Variants in TGFBR2 observed in about 807,000 individuals in gnomAD.
TGFBR2 encodes the protein TGF-beta receptor type-2.
In TGFBR2, 18 loss-of-function variants were observed where a neutral mutation model predicts 49.0. That is an observed-to-expected ratio of 0.37 (90% CI 0.25 to 0.54). TGFBR2 has a LOEUF of 0.54. TGFBR2 is among the 20% of genes least tolerant of loss of function. TGFBR2 has a pLI of 0.85. For missense variants in TGFBR2, 525 were observed against 722.6 expected (o/e 0.73, Z 3.13); for synonymous variants, 282 against 275.9 (o/e 1.02, Z -0.22).
intron 1 of TGFBR2, among the ~76,000 whole-genome samples, chr3:30,623,897 T>G (rs564567978): frequency 1.3e-5 from 2 of 152,326 alleles, no homozygotes; most frequent in African/African-American, 4.8e-5. Flanking sequence ...ATCCCAGCAC[T>G]TTGTGAGGCC....
intron 1 of TGFBR2, among the ~76,000 whole-genome samples, chr3:30,610,879 A>G (rs970119170): frequency 6.6e-6 from 1 of 152,102 alleles, no homozygotes; most frequent in African/African-American, 2.4e-5. Flanking sequence ...TTCCCAGTCT[A>G]TTTGTGTCAC....
chr3:30,674,751 G>A (rs1170149609), intron 5 of TGFBR2, among the ~76,000 whole-genome samples: 3 of 152,132 alleles, frequency 2.0e-5, no homozygotes, highest in Non-Finnish European at 4.4e-5. Flanking sequence ...GAAAATTCTA[G>A]TGAAGAGGTT....
At chr3:30,616,240 C>A (rs372001243) in intron 1 of TGFBR2, among the ~76,000 whole-genome samples, 2 of 152,176 alleles carry the variant, frequency 1.3e-5, no homozygotes, top group East Asian at 3.8e-4. Flanking sequence ...GCCTCTTCCT[C>A]CTTCCCCCCA....
At chr3:30,673,992 T>C (rs943285777) in intron 4 of TGFBR2, 113 bp from the exon 5 acceptor site, 99 of 1,289,196 alleles carry the variant, frequency 7.7e-5, no homozygotes, top group Non-Finnish European at 1.0e-4. Flanking sequence ...AACAGCACTT[T>C]GATTTTTTAA....
At chr3:30,670,384 G>C (rs184553769) in intron 3 of TGFBR2, among the ~76,000 whole-genome samples, 10 of 152,314 alleles carry the variant, frequency 6.6e-5, no homozygotes, top group African/African-American at 1.9e-4. Context: ...TCTGAGGGCA[G>C]TGCCATGCCC....
intron 1 of TGFBR2, among the ~76,000 whole-genome samples, chr3:30,628,953 T>C (rs1328701887): frequency 2.6e-5 from 4 of 152,114 alleles, no homozygotes; most frequent in African/African-American, 7.2e-5. Flanking sequence ...CCTTAAGAAG[T>C]TGGGATAGAA....
At chr3:30,629,955 A>C (rs2125390525) in intron 1 of TGFBR2, among the ~76,000 whole-genome samples, 1 of 152,232 alleles carries the variant, frequency 6.6e-6, no homozygotes, top group South Asian at 2.1e-4. Flanking sequence ...AGGGAACAGC[A>C]AGTACAGTGT....
chr3:30,641,900 T>G (rs1467488235), intron 1 of TGFBR2, among the ~76,000 whole-genome samples: 1 of 151,702 alleles, frequency 6.6e-6, no homozygotes, highest in Non-Finnish European at 1.5e-5. Context: ...CTTGTTTCCC[T>G]TCCTCCCTTC....
chr3:30,607,386 C>T (rs1262215811), intron 1 of TGFBR2, among the ~76,000 whole-genome samples: 1 of 152,238 alleles, frequency 6.6e-6, no homozygotes, highest in Admixed American at 6.5e-5. Context: ...ATGGCGATGC[C>T]GCGTGCCCAC....
chr3:30,613,683 C>T (rs965942261), intron 1 of TGFBR2, among the ~76,000 whole-genome samples: 8 of 152,116 alleles, frequency 5.3e-5, no homozygotes, highest in African/African-American at 1.9e-4. Flanking sequence ...TCTCTTTAAA[C>T]CACCCATTTC....
At chr3:30,638,358 A>T (rs777955517) in intron 1 of TGFBR2, among the ~76,000 whole-genome samples, 4 of 152,160 alleles carry the variant, frequency 2.6e-5, no homozygotes, top group Non-Finnish European at 5.9e-5. Context: ...TTACTACAAA[A>T]ATATTTGCAT....
chr3:30,654,764 T>C (rs1698963735), intron 3 of TGFBR2, among the ~76,000 whole-genome samples: 1 of 152,184 alleles, frequency 6.6e-6, no homozygotes. Context: ...AGCCATGCTG[T>C]TTACTTGCCA....
rs2125443780 is a variant in TGFBR2 at position 30,611,781 on chromosome 3, A to T, written c.94+4804A>T. Among the ~76,000 whole-genome samples, 2 of 152,282 alleles carry T rather than the reference A, an allele frequency of 1.3e-5. 1 individual carries two copies. The highest frequency in any genetic ancestry group is 6.8e-3 in the Middle Eastern group (2 of 292). ...CTCTAGAGTAGCGTGGATATTATTT[A>T]GGTCTGATGCAAACCACCAAAGCAG... On this transcript the variant is annotated intron_variant, in intron 1 of 6. Transcript: ENST00000295754.
chr3:30,655,951 A>G (rs1698988516), intron 3 of TGFBR2, among the ~76,000 whole-genome samples: 1 of 152,122 alleles, frequency 6.6e-6, no homozygotes, highest in Admixed American at 6.5e-5. Context: ...AGAACTGCAC[A>G]ACCTTGGGTC....
intron 1 of TGFBR2, among the ~76,000 whole-genome samples, chr3:30,643,457 T>G (rs150182242): frequency 6.6e-6 from 1 of 152,332 alleles, no homozygotes; most frequent in East Asian, 1.9e-4. Flanking sequence ...TGTTACACCT[T>G]TATTTGAACT....
At position 30,659,097 on chromosome 3, in the gene TGFBR2, G is replaced by T. The variant is rs890279958; in HGVS notation, c.454+8637G>T. Among the ~76,000 whole-genome samples the T allele has an allele frequency of 3.8e-4, 58 of 152,310 alleles. 1 individual carries two copies. Among genetic ancestry groups the T allele is most frequent in the African/African-American group, 1.3e-3 (55 of 41,570 alleles). Reference sequence around the variant, plus strand: ...AAATGAAAAGAGTAAATGGTGTTTTGGTAGCTCTGGGGGATTTTAGGTATG... The same window carrying T: ...AAATGAAAAGAGTAAATGGTGTTTTTGTAGCTCTGGGGGATTTTAGGTATG... On this transcript the variant is annotated intron_variant, in intron 3 of 6. Transcript: ENST00000295754.
intron 1 of TGFBR2, among the ~76,000 whole-genome samples, chr3:30,608,694 G>A (rs530742214): frequency 1.6e-4 from 25 of 152,288 alleles, no homozygotes; most frequent in African/African-American, 5.8e-4. Context: ...ATCAAATTAG[G>A]AAGAGGCACT....
intron 2 of TGFBR2, among the ~76,000 whole-genome samples, chr3:30,647,920 G>T (rs935525777): frequency 6.6e-6 from 1 of 151,984 alleles, no homozygotes; most frequent in Non-Finnish European, 1.5e-5. Context: ...CTTGTGATCC[G>T]CCTGCCTCGG....
rs779293732 is a variant in TGFBR2 at position 30,623,292 on chromosome 3, A to G, written c.94+16315A>G. On this transcript the variant is annotated intron_variant, in intron 1 of 6. Coordinates refer to ENST00000295754, the MANE Select transcript of TGFBR2 (RefSeq NM_003242.6). The stretch of plus-strand genomic sequence containing the variant: ...AGACATAGTAAAGTATCATTAATTA[A>G]TCTTTTCATCATTTTTCTATTTTTA... 4.3e-6 allele frequency: 7 copies of G among 1,613,596 alleles called. No homozygotes were observed. The South Asian group carries it at 7.7e-5, about 18-fold the overall frequency.
Sources: allele counts gnomAD v4.1 joint callset (sites outside exome capture counted in the v4.1 genomes callset), GRCh38; gene constraint gnomAD v4.1.1; transcripts MANE v1.5; gene names NCBI Gene and HGNC (gene_info 2026-07-23, HGNC 2026-07-21).